Variants in SORBS3 observed in about 807,000 individuals in gnomAD.
The protein encoded by SORBS3 is sorbin and SH3 domain containing 3.
A neutral mutation model predicts 98.0 loss-of-function variants in SORBS3; 69 were observed. The observed-to-expected ratio is 0.70, with a 90% CI of 0.58 to 0.86. SORBS3 has a LOEUF of 0.86. Among genes scored for constraint, SORBS3 ranks in the 40% least tolerant of loss-of-function variants. The probability of loss-of-function intolerance (pLI) is 0.00; values close to 1 mark genes in which losing one functional copy is unlikely to be tolerated. For synonymous variants in SORBS3, 394 were observed against 355.4 expected (o/e 1.11, Z -1.22); for missense variants, 954 against 908.5 (o/e 1.05, Z -0.64).
intron 5 of SORBS3, 167 bp from the exon 6 acceptor site, chr8:22,561,168 A>C: frequency 1.6e-6 from 1 of 637,910 alleles, no homozygotes; most frequent in South Asian, 2.3e-5. Flanking sequence ...AGCCCTCCAG[A>C]GAGCTGCCCT....
rs776227694 is a variant in SORBS3, at chr8:22,566,822, A to G, written c.1144A>G (p.Arg382Gly). Residue 382 changes from arginine to glycine, a missense_variant and splice_region_variant, in exon 15 of 21, where the codon AGA (arginine) becomes GGA (glycine). By Grantham distance (125) the Arg-to-Gly change is moderately radical. Transcript: ENST00000240123. ...GSPARREEKKRKAARLKFDFQ... is the reference protein window; with the variant it reads ...GSPARREEKKGKAARLKFDFQ... ...CCACTCTGTCCTCTCCCCTGCCTAG[A>G]GAAAGGCCGCCAGGCTCAAGTTTGA... 8 of 1,613,804 alleles carry G rather than the reference A, an allele frequency of 5.0e-6. No homozygotes were observed. Among genetic ancestry groups the G allele is most frequent in the East Asian group, 4.5e-5 (2 of 44,886 alleles).
chr8:22,569,201 G>A lies in SORBS3; in HGVS notation c.1359G>A (p.Val453=). The A allele has an allele frequency of 6.2e-7, 1 of 1,611,496 alleles. No homozygotes were observed. Among genetic ancestry groups the A allele is most frequent in the Non-Finnish European group, 8.5e-7 (1 of 1,178,802 alleles). The stretch of plus-strand genomic sequence containing the variant: ...CCATCAAGCCCCCGACCTACCAGGT[G>A]CTGGAGTATGGAGAGGCTGTGGCCC... ...PKPIKPPTYQ[V]LEYGEAVAQY... is the part of the protein sequence containing the mutation. The change falls in exon 17 of 21, where the codon GTG becomes GTA. Residue 453 remains valine, a synonymous_variant. Transcript: ENST00000240123.
At chr8:22,571,664 A>G (rs779072342) in intron 18 of SORBS3, 54 bp from the exon 19 acceptor site, 3 of 1,375,714 alleles carry the variant, frequency 2.2e-6, no homozygotes, top group Non-Finnish European at 1.0e-6. Context: ...TCAGGCTTAC[A>G]TGTACCCATC....
chr8:22,569,086 C>G, intron 16 of SORBS3, 62 bp from the exon 17 acceptor site: 1 of 1,499,776 alleles, frequency 6.7e-7, no homozygotes, highest in Admixed American at 2.1e-5. Context: ...CTCACAGGAA[C>G]CCCCAGCCTG....
At chr8:22,571,890 A>G in intron 19 of SORBS3, 69 bp downstream of exon 19, 1 of 1,118,824 alleles carries the variant, frequency 8.9e-7, no homozygotes, top group Non-Finnish European at 1.4e-6. Context: ...CCCATATTCC[A>G]CCCTCCCCCA....
At chr8:22,568,927 G>A (rs536209299) in intron 16 of SORBS3, among the ~76,000 whole-genome samples, 2 of 152,302 alleles carry the variant, frequency 1.3e-5, no homozygotes, top group East Asian at 3.9e-4. Flanking sequence ...ATATCCCTAT[G>A]GAAAATTCTT....
chr8:22,570,896 T>A lies in SORBS3; in HGVS notation c.1432-14T>A, dbSNP rs370569980. ...CCAGGAAGGCCCCACAGACACTGACTTTTCCCCCCTCAGGGAGAGCACATC... is the reference window on the plus strand; with the variant it reads ...CCAGGAAGGCCCCACAGACACTGACATTTCCCCCCTCAGGGAGAGCACATC... On this transcript the variant is annotated splice_polypyrimidine_tract_variant and intron_variant, in intron 17 of 20. Coordinates refer to ENST00000240123, the MANE Select transcript of SORBS3 (RefSeq NM_005775.5). 2.0e-5 allele frequency: 31 copies of A among 1,574,612 alleles called. No individual in the cohort carries two copies. In the African/African-American group the frequency reaches 2.8e-4, roughly 14 times the overall value.
chr8:22,548,990 G>T (rs977317458), upstream of SORBS3, among the ~76,000 whole-genome samples: 7 of 152,248 alleles, frequency 4.6e-5, no homozygotes, highest in African/African-American at 1.7e-4. Flanking sequence ...GGGGGTGGGG[G>T]TTGTGGACAG....
At chr8:22,566,130 A>C in intron 12 of SORBS3, 1 of 635,314 alleles carries the variant, frequency 1.6e-6, no homozygotes, top group Non-Finnish European at 2.3e-6. Context: ...CGGCCCCGCC[A>C]CGGCCCAGGC....
In SORBS3 at chr8:22,575,126, C is replaced by T. The variant is rs1163152810; in HGVS notation, c.*398C>T. The T allele has an allele frequency of 8.6e-6, 3 of 349,598 alleles. No individual in the cohort carries two copies. The highest frequency in any genetic ancestry group is 4.3e-5 in the African/African-American group (2 of 46,460). 21.7% of individuals were successfully genotyped at this position (349,598 alleles called of 1,614,324 possible). On this transcript the variant is annotated 3_prime_UTR_variant, in exon 21 of 21. Coordinates refer to ENST00000240123, the MANE Select transcript of SORBS3 (RefSeq NM_005775.5). ...CTCTAACCAGAACCAGCTTCCTAGC[C>T]TCGTAGAGACCAAAGGCCGCCCCCG...
intron 12 of SORBS3, 55 bp from the exon 13 acceptor site, chr8:22,566,290 C>G (rs1840417382): frequency 1.3e-6 from 2 of 1,585,814 alleles, no homozygotes; most frequent in Admixed American, 1.7e-5. Flanking sequence ...CTAGGGGTGA[C>G]CAGGGTGGGG....
Position 22,554,792 on chromosome 8 carries a change from T to C in SORBS3, c.103-71T>C. On this transcript the variant is annotated intron_variant, in intron 2 of 20. Coordinates refer to ENST00000240123, the MANE Select transcript of SORBS3 (RefSeq NM_005775.5). This position sits in a 1 kb window ranked among gnomAD's most constrained non-coding sequence, Gnocchi z 6.5. Reference sequence around the variant, plus strand: ...GGGACTGTCACCGAGGGGTGTGGGCTGTGCCTAGTAGCCATCCCTCCCTCC... The same window carrying C: ...GGGACTGTCACCGAGGGGTGTGGGCCGTGCCTAGTAGCCATCCCTCCCTCC... 2 of 1,476,360 alleles carry C rather than the reference T, an allele frequency of 1.4e-6. No individual in the cohort carries two copies. The highest frequency in any genetic ancestry group is 4.3e-4 in the Middle Eastern group (2 of 4,696). The allele number at this position is 1,476,360 out of a possible 1,614,324, so 91.5% of individuals were successfully genotyped here. A position where few individuals can be genotyped will look rare whatever the true frequency, so the allele number is the denominator to read the frequency against.
At position 22,567,182 on chromosome 8, in the gene SORBS3, A is replaced by G. The variant is rs758933920; in HGVS notation, c.1305+7A>G. ...CCCTGCTAATTATGTGGAGGTGAGCAGGAGAGACAAGAGCAAGTGGGGCTG... is the reference window on the plus strand; with the variant it reads ...CCCTGCTAATTATGTGGAGGTGAGCGGGAGAGACAAGAGCAAGTGGGGCTG... On this transcript the variant is annotated splice_region_variant and intron_variant, in intron 16 of 20. Transcript: ENST00000240123. The G allele has an allele frequency of 2.8e-6, 4 of 1,430,188 alleles. No homozygotes were observed. The East Asian group carries it at 7.5e-5, about 27-fold the overall frequency. The allele number at this position is 1,430,188 out of a possible 1,614,324, so 88.6% of individuals were successfully genotyped here. A position where few individuals can be genotyped will look rare whatever the true frequency, so the allele number is the denominator to read the frequency against.
Position 22,554,497 on chromosome 8 carries a change from T to C in SORBS3, c.-10T>C, listed in dbSNP as rs1272739752. 2.5e-6 allele frequency: 4 copies of C among 1,608,652 alleles called. No homozygotes were observed. The highest frequency in any genetic ancestry group is 3.4e-6 in the Non-Finnish European group (4 of 1,178,860). ...TGGCTTGCCCGGAGTCCTCCCACCT[T>C]GACCCAAGCATGCAGGGCCCACCCC... is the stretch of plus-strand genomic sequence containing the variant. On this transcript the variant is annotated 5_prime_UTR_variant, in exon 2 of 21. An upstream open reading frame in the 5' UTR loses its in-frame stop. Transcript: ENST00000240123. The surrounding 1 kb of genome is among the most constrained non-coding windows in gnomAD (Gnocchi z 6.5).
intron 7 of SORBS3, 140 bp from the exon 8 acceptor site, chr8:22,563,847 G>T (rs962749729): frequency 1.7e-5 from 11 of 661,038 alleles, no homozygotes; most frequent in Non-Finnish European, 3.0e-5. Flanking sequence ...GTTTAATCTT[G>T]CTTCCAGAGT....
At chr8:22,558,230 G>A in intron 5 of SORBS3, 38 bp downstream of exon 5, 1 of 1,594,742 alleles carries the variant, frequency 6.3e-7, no homozygotes, top group Non-Finnish European at 8.6e-7. Flanking sequence ...CTGCCAAAGT[G>A]GATTCTGGCC....
intron 16 of SORBS3, among the ~76,000 whole-genome samples, chr8:22,568,886 G>A (rs569235465): frequency 2.0e-5 from 3 of 152,296 alleles, no homozygotes; most frequent in African/African-American, 7.2e-5. Context: ...TTTTCTCTTG[G>A]AGTTCTTCAC....
chr8:22,566,958 A>G, intron 15 of SORBS3, 90 bp downstream of exon 15: 1 of 1,556,726 alleles, frequency 6.4e-7, no homozygotes, highest in Non-Finnish European at 8.8e-7. Context: ...TGCAGTGGGC[A>G]TCCCCAAGGG....
intron 7 of SORBS3, 51 bp downstream of exon 7, chr8:22,561,982 G>A (rs1840306242): frequency 1.3e-6 from 2 of 1,557,528 alleles, no homozygotes; most frequent in Non-Finnish European, 1.8e-6. Context: ...CGGCCCGCGA[G>A]ACACCATGGG....
Sources: gnomAD v4.1 joint callset for allele counts (sites outside exome capture counted in the v4.1 genomes callset) on GRCh38, gnomAD v4.1.1 for gene constraint, Gnocchi (gnomAD v3.1) non-coding constraint, MANE v1.5 for transcripts, NCBI Gene and HGNC (gene_info 2026-07-23, HGNC 2026-07-21) for gene names.